Variants in STPG2 observed in about 807,000 individuals in gnomAD.
STPG2 encodes the protein sperm tail PG-rich repeat containing 2, also known as sperm-tail PG-rich repeat-containing protein 2.
A neutral mutation model predicts 54.2 loss-of-function variants in STPG2; 56 were observed. That is an observed-to-expected ratio of 1.03 (90% CI 0.83 to 1.29). The LOEUF (loss-of-function observed/expected upper bound fraction) is 1.29. Among genes scored for constraint, STPG2 ranks in the 50% most tolerant of loss-of-function variants. The pLI, the probability that STPG2 is intolerant of heterozygous loss-of-function variation, is 0.00. For synonymous variants in STPG2, 200 were observed against 181.8 expected, an observed-to-expected ratio of 1.10 and a Z score of -0.81; for missense variants, 596 against 544.9, an observed-to-expected ratio of 1.09 and a Z score of -0.93.
intron 8 of STPG2, among the ~76,000 whole-genome samples, chr4:97,924,268 C>G (rs1732251161): frequency 1.3e-5 from 2 of 152,186 alleles, no homozygotes; most frequent in South Asian, 4.1e-4. Flanking sequence ...TTCTTGAAGT[C>G]AGTGAGACCA....
intron 9 of STPG2, among the ~76,000 whole-genome samples, chr4:97,725,645 A>G (rs1560503370): frequency 1.3e-5 from 2 of 151,826 alleles, no homozygotes; most frequent in Non-Finnish European, 2.9e-5. Flanking sequence ...AAAAAATATG[A>G]AAGATAAAAA....
chr4:97,536,521 TG>T (rs1391184170), intron 4 of STPG2, among the ~76,000 whole-genome samples: 1 of 152,166 alleles, frequency 6.6e-6, no homozygotes, highest in African/African-American at 2.4e-5. Context: ...CATGCAGAAC[TG>T]AGTCAATTAA....
intron 10 of STPG2, among the ~76,000 whole-genome samples, chr4:97,575,796 A>ATT (rs1385969280): frequency 6.6e-6 from 1 of 152,192 alleles, no homozygotes. Context: ...AATAAAAGGC[A>ATT]TTTAAACAGG....
intron 9 of STPG2, among the ~76,000 whole-genome samples, chr4:97,794,058 T>G (rs552317583): frequency 6.6e-6 from 1 of 152,232 alleles, no homozygotes; most frequent in South Asian, 2.1e-4. Context: ...AATATAAAAT[T>G]TGAGCTCTTC....
intron 4 of STPG2, among the ~76,000 whole-genome samples, chr4:97,527,108 T>A (rs183738135): frequency 2.5e-4 from 38 of 152,000 alleles, no homozygotes; most frequent in Non-Finnish European, 4.1e-4. Context: ...CATCAACCCG[T>A]CATCAACATT....
At chr4:97,929,447 G>T (rs531263784) in intron 8 of STPG2, among the ~76,000 whole-genome samples, 1 of 152,260 alleles carries the variant, frequency 6.6e-6, no homozygotes, top group Non-Finnish European at 1.5e-5. Context: ...TTGGGGAATT[G>T]CCACACTGTC....
chr4:97,721,128 A>G (rs1272827116), intron 9 of STPG2, among the ~76,000 whole-genome samples: 2 of 152,090 alleles, frequency 1.3e-5, no homozygotes, highest in East Asian at 1.9e-4. Context: ...AGCCTCACTC[A>G]TTTAGGCAAG....
intron 4 of STPG2, among the ~76,000 whole-genome samples, chr4:97,489,148 C>T (rs968315194): frequency 2.0e-5 from 3 of 151,662 alleles, no homozygotes; most frequent in Admixed American, 1.3e-4. Context: ...CTGGGGTCAT[C>T]CATGTAAAAC....
chr4:97,737,724 T>C (rs1037462688), intron 9 of STPG2, among the ~76,000 whole-genome samples: 1 of 152,140 alleles, frequency 6.6e-6, no homozygotes, highest in Non-Finnish European at 1.5e-5. Flanking sequence ...AAAGACCATA[T>C]CTACGTCTCA....
At chr4:98,053,101 G>T (rs1227308302) in intron 5 of STPG2, among the ~76,000 whole-genome samples, 1 of 152,136 alleles carries the variant, frequency 6.6e-6, no homozygotes, top group East Asian at 1.9e-4. Flanking sequence ...CTGACAGTTT[G>T]TTAGGCCAGA....
At chr4:98,095,293 A>G (rs187753180) in intron 5 of STPG2, among the ~76,000 whole-genome samples, 1 of 152,310 alleles carries the variant, frequency 6.6e-6, no homozygotes. Context: ...AAAACAAATA[A>G]CAAAATGGCA....
At chr4:97,512,460 G>A (rs1278139615) in intron 4 of STPG2, among the ~76,000 whole-genome samples, 1 of 152,072 alleles carries the variant, frequency 6.6e-6, no homozygotes, top group Non-Finnish European at 1.5e-5. Flanking sequence ...GGAAGCACTT[G>A]GGAAAGATGT....
chr4:97,966,997 T>A (rs1481168756), intron 7 of STPG2, among the ~76,000 whole-genome samples: 1 of 152,022 alleles, frequency 6.6e-6, no homozygotes, highest in East Asian at 1.9e-4. Context: ...AGGATCAAAT[T>A]CACACATAAC....
intron 4 of STPG2, among the ~76,000 whole-genome samples, chr4:97,539,196 T>G (rs1448583980): frequency 2.0e-5 from 3 of 152,142 alleles, no homozygotes; most frequent in Admixed American, 2.0e-4. Context: ...ATAACAATAT[T>G]AACCTTAAAT....
intron 10 of STPG2, among the ~76,000 whole-genome samples, chr4:97,699,455 A>G (rs1723694757): frequency 6.6e-6 from 1 of 152,110 alleles, no homozygotes; most frequent in South Asian, 2.1e-4. Flanking sequence ...CCATCCACAT[A>G]CCTCTTCCAT....
intron 8 of STPG2, among the ~76,000 whole-genome samples, chr4:97,859,763 A>C (rs1235708824): frequency 6.6e-6 from 1 of 152,154 alleles, no homozygotes; most frequent in Non-Finnish European, 1.5e-5. Context: ...CCTGGCCTGC[A>C]TTAGCTTTTG....
intron 9 of STPG2, among the ~76,000 whole-genome samples, chr4:97,737,761 A>G (rs1244893305): frequency 1.3e-5 from 2 of 152,202 alleles, no homozygotes; most frequent in Non-Finnish European, 2.9e-5. Context: ...TGACGGGGAG[A>G]ATGGAACCAA....
At chr4:97,544,689 A>C (rs1731796282) in intron 4 of STPG2, among the ~76,000 whole-genome samples, 1 of 152,136 alleles carries the variant, frequency 6.6e-6, no homozygotes, top group Non-Finnish European at 1.5e-5. Context: ...TGTAAAATAC[A>C]TATAAAACAC....
chr4:97,532,813 T>C (rs967676136), intron 4 of STPG2, among the ~76,000 whole-genome samples: 2 of 152,280 alleles, frequency 1.3e-5, no homozygotes, highest in East Asian at 3.9e-4. Flanking sequence ...TAAACACTCA[T>C]AACGTTAAAA....
Sources: gnomAD v4.1 joint callset for allele counts (sites outside exome capture counted in the v4.1 genomes callset) on GRCh38, gnomAD v4.1.1 for gene constraint, MANE v1.5 for transcripts, NCBI Gene and HGNC (gene_info 2026-07-23, HGNC 2026-07-21) for gene names.